The following ANK2 variants were observed in gnomAD, a reference collection of about 807,000 sequenced individuals.
The protein encoded by ANK2 is ankyrin-2.
In ANK2, 83 loss-of-function variants were observed where a neutral mutation model predicts 360.5. The ratio of observed to expected loss-of-function variants is 0.23; its 90% CI spans 0.19 to 0.28. ANK2 has a LOEUF of 0.28. ANK2 is among the 10% of genes least tolerant of loss of function. The probability of loss-of-function intolerance (pLI) is 1.00; values close to 1 mark genes in which losing one functional copy is unlikely to be tolerated. For missense variants in ANK2, 4,201 were observed against 4,795.7 expected, an observed-to-expected ratio of 0.88 and a Z score of 3.66; for synonymous variants, 1,740 against 1,759.5, an observed-to-expected ratio of 0.99 and a Z score of 0.28.
At chr4:112,716,303 C>T in the ANK2 span, among the ~76,000 whole-genome samples, 1 of 151,926 alleles carries the variant, frequency 6.6e-6, no homozygotes, top group Non-Finnish European at 1.5e-5. Context: ...GCTATGTTGA[C>T]CAGGCTGGTC....
chr4:112,897,158 A>T (rs1483159925), intron 1 of ANK2, among the ~76,000 whole-genome samples: 2 of 152,058 alleles, frequency 1.3e-5, no homozygotes, highest in East Asian at 3.9e-4. Flanking sequence ...TTAAATTTTC[A>T]TTCAGGCAAA....
chr4:113,212,400 T>A (rs907887519), intron 4 of ANK2, among the ~76,000 whole-genome samples: 2 of 152,364 alleles, frequency 1.3e-5, no homozygotes. Flanking sequence ...TAGCTATAGC[T>A]ATTAATACCT....
intron 39 of ANK2, among the ~76,000 whole-genome samples, chr4:113,362,246 A>G (rs2096265819): frequency 6.6e-6 from 1 of 151,988 alleles, no homozygotes; most frequent in Non-Finnish European, 1.5e-5. Flanking sequence ...GTGCATTGGT[A>G]TATTTTTGTG....
chr4:113,305,513 A>G (rs2076910473), intron 23 of ANK2, among the ~76,000 whole-genome samples: 1 of 152,202 alleles, frequency 6.6e-6, no homozygotes, highest in African/African-American at 2.4e-5. Context: ...CTTTTGTGGC[A>G]AGAGAAGTCT....
intron 2 of ANK2, among the ~76,000 whole-genome samples, chr4:112,964,829 A>G (rs1426413457): frequency 1.3e-5 from 2 of 152,052 alleles, no homozygotes; most frequent in Admixed American, 6.5e-5. Flanking sequence ...TCAGCCTCCC[A>G]AAGTGCTGGT....
At chr4:112,731,741 A>G in the ANK2 span, among the ~76,000 whole-genome samples, 3 of 152,284 alleles carry the variant, frequency 2.0e-5, 1 homozygote, top group South Asian at 6.2e-4. Context: ...TCAAAAAAAA[A>G]AAAAAGTACA....
Position 113,357,394 on chromosome 4 carries a change from A to C in ANK2, c.8776A>C (p.Ser2926Arg), listed in dbSNP as rs1253836373. Residue 2926 changes from serine to arginine, a missense_variant, in exon 38 of 46, where the codon AGC becomes CGC. Around this residue, in one of 4 missense-constraint regions of ANK2, gnomAD observed 2,642 missense variants for 2,714.5 expected, o/e 0.97. Coordinates refer to ENST00000357077, the MANE Select transcript of ANK2 (RefSeq NM_001148.6). ...NDEIYDPQIT[S>R]PYENVPSQSF... ...TGAAATCTATGATCCACAAATCACTAGCCCTTATGAAAATGTCCCTTCCCA... is the reference window on the plus strand; with the variant it reads ...TGAAATCTATGATCCACAAATCACTCGCCCTTATGAAAATGTCCCTTCCCA... 19 of 1,613,938 alleles carry C rather than the reference A, an allele frequency of 1.2e-5. No individual in the cohort carries two copies. The highest frequency in any genetic ancestry group is 1.6e-5 in the Non-Finnish European group (19 of 1,179,972).
chr4:112,747,785 AC>A, the ANK2 span, among the ~76,000 whole-genome samples: 1 of 152,072 alleles, frequency 6.6e-6, no homozygotes, highest in African/African-American at 2.4e-5. Flanking sequence ...CCAGACTTTA[AC>A]CCTCCAGTCT....
At chr4:112,931,004 G>A (rs2093163697) in intron 2 of ANK2, among the ~76,000 whole-genome samples, 1 of 152,132 alleles carries the variant, frequency 6.6e-6, no homozygotes, top group Non-Finnish European at 1.5e-5. Flanking sequence ...AGTTAGACAG[G>A]CATTGAGAAG....
chr4:113,289,160 A>G (rs1444744999), intron 20 of ANK2, among the ~76,000 whole-genome samples: 2 of 152,142 alleles, frequency 1.3e-5, no homozygotes, highest in Non-Finnish European at 2.9e-5. Flanking sequence ...TCTTTGATCC[A>G]AAGAAATATT....
chr4:113,107,283 AACGGCTC>A (rs1252906284), intron 1 of ANK2, among the ~76,000 whole-genome samples: 2 of 151,968 alleles, frequency 1.3e-5, no homozygotes, highest in Non-Finnish European at 2.9e-5. Context: ...GTAGCGTGAT[AACGGCTC>A]ACTGCAACCT....
chr4:112,908,621 C>T lies in ANK2; in HGVS notation c.21+4107C>T, dbSNP rs544160754. ...TCCTGTTTAGTCACTTCCTCTCAAC[C>T]TTCCCTCTAAAAACTATAATGATTA... On this transcript the variant is annotated intron_variant, in intron 2 of 30. Coordinates refer to the ANK2 transcript ENST00000503271. Among the ~76,000 whole-genome samples the T allele has an allele frequency of 2.6e-5, 4 of 152,310 alleles. No individual in the cohort carries two copies. The South Asian group carries it at 6.2e-4, about 24-fold the overall frequency.
chr4:112,823,107 T>C (rs2057573137), intron 1 of ANK2, among the ~76,000 whole-genome samples: 2 of 152,246 alleles, frequency 1.3e-5, no homozygotes, highest in South Asian at 2.1e-4. Context: ...GTTGATGCTA[T>C]TTGTAAAAGC....
the ANK2 span, among the ~76,000 whole-genome samples, chr4:112,728,317 A>G: frequency 4.6e-5 from 7 of 150,650 alleles, no homozygotes; most frequent in Admixed American, 4.6e-4. Context: ...AAAAAAAAAA[A>G]AAAGAAAAGA....
intron 2 of ANK2, among the ~76,000 whole-genome samples, chr4:113,030,500 T>C (rs1337002211): frequency 1.3e-5 from 2 of 152,048 alleles, no homozygotes; most frequent in Admixed American, 6.6e-5. Flanking sequence ...GAAATAAAAC[T>C]AAAGTAGTTT....
At chr4:112,836,292 T>G (rs987524315) in intron 1 of ANK2, among the ~76,000 whole-genome samples, 2 of 152,158 alleles carry the variant, frequency 1.3e-5, no homozygotes, top group African/African-American at 4.8e-5. Flanking sequence ...CTGCCATGAT[T>G]GTAAGTTTCC....
the ANK2 span, among the ~76,000 whole-genome samples, chr4:112,755,258 C>T: frequency 6.6e-6 from 1 of 152,134 alleles, no homozygotes; most frequent in African/African-American, 2.4e-5. Flanking sequence ...CTGCCACACA[C>T]GTTTTTAAAG....
intron 2 of ANK2, among the ~76,000 whole-genome samples, chr4:113,010,260 G>T (rs1248168970): frequency 2.0e-5 from 3 of 152,038 alleles, no homozygotes; most frequent in South Asian, 2.1e-4. Flanking sequence ...CTTAAAAATT[G>T]TTCTCTCTAC....
At chr4:113,183,046 G>A (rs2098448734) in intron 2 of ANK2, among the ~76,000 whole-genome samples, 1 of 152,064 alleles carries the variant, frequency 6.6e-6, no homozygotes, top group African/African-American at 2.4e-5. Context: ...TGGAGGGACT[G>A]GCTTTTGCTA....
Sources: gnomAD v4.1 joint callset for allele counts (sites outside exome capture counted in the v4.1 genomes callset) on GRCh38, gnomAD v4.1.1 for gene constraint, gnomAD v4.1.1 regional missense constraint, MANE v1.5 for transcripts, NCBI Gene and HGNC (gene_info 2026-07-23, HGNC 2026-07-21) for gene names.